Variants in MGLL observed in about 807,000 individuals in gnomAD.
MGLL encodes the protein monoglyceride lipase.
MGLL carries 7 observed loss-of-function variants against 29.1 expected under a neutral mutation model. The ratio of observed to expected loss-of-function variants is 0.24; its 90% CI spans 0.14 to 0.45. The LOEUF is 0.45. MGLL is among the 20% of genes least tolerant of loss of function. The probability of loss-of-function intolerance (pLI) is 0.99; values close to 1 mark genes in which losing one functional copy is unlikely to be tolerated. For synonymous variants in MGLL, 148 were observed against 168.3 expected, an observed-to-expected ratio of 0.88 and a Z score of 0.93; for missense variants, 356 against 413.6, an observed-to-expected ratio of 0.86 and a Z score of 1.21.
intron 3 of MGLL, among the ~76,000 whole-genome samples, chr3:127,742,504 C>T (rs1236349615): frequency 1.4e-5 from 2 of 147,136 alleles, no homozygotes; most frequent in Non-Finnish European, 3.0e-5. Flanking sequence ...GCAGGAGACT[C>T]GCTTGAGCCC....
At chr3:127,801,312 A>ATAC (rs2077475499) in intron 2 of MGLL, among the ~76,000 whole-genome samples, 1 of 142,480 alleles carries the variant, frequency 7.0e-6, no homozygotes, top group Non-Finnish European at 1.5e-5. Flanking sequence ...CAAAAAAAAA[A>ATAC]AAAAAAAAGG....
At chr3:127,764,851 C>A (rs1415601643) in intron 3 of MGLL, among the ~76,000 whole-genome samples, 1 of 152,120 alleles carries the variant, frequency 6.6e-6, no homozygotes, top group East Asian at 1.9e-4. Context: ...GGGTCAGGCC[C>A]CCCACATAGA....
chr3:127,786,795 G>A (rs919905683), intron 2 of MGLL, among the ~76,000 whole-genome samples: 5 of 152,310 alleles, frequency 3.3e-5, no homozygotes, highest in Admixed American at 1.3e-4. Flanking sequence ...AAGGAAATGC[G>A]GATGGGGCAG....
intron 6 of MGLL, among the ~76,000 whole-genome samples, chr3:127,708,683 T>C (rs2075651234): frequency 6.6e-6 from 1 of 152,224 alleles, no homozygotes; most frequent in Non-Finnish European, 1.5e-5. Context: ...CTGACCCATC[T>C]TTCTCAAACC....
chr3:127,777,218 C>T (rs1443827431), intron 3 of MGLL, among the ~76,000 whole-genome samples: 2 of 152,158 alleles, frequency 1.3e-5, no homozygotes, highest in Admixed American at 1.3e-4. Context: ...AGAAAGAACA[C>T]AAGGATGGGT....
At chr3:127,746,207 C>T (rs983727043) in intron 3 of MGLL, among the ~76,000 whole-genome samples, 1 of 152,286 alleles carries the variant, frequency 6.6e-6, no homozygotes, top group South Asian at 2.1e-4. Context: ...CCTGACTCTC[C>T]TTCAGGGAGA....
At chr3:127,803,838 G>C (rs9868912) in intron 2 of MGLL, among the ~76,000 whole-genome samples, 14,796 of 152,152 alleles carry the variant, frequency 0.097, 968 homozygotes, top group South Asian at 0.16. Context: ...GTACTTAAGA[G>C]AGAGACTCAC....
intron 2 of MGLL, among the ~76,000 whole-genome samples, chr3:127,792,991 A>C (rs757226179): frequency 2.0e-5 from 3 of 152,200 alleles, no homozygotes; most frequent in Non-Finnish European, 2.9e-5. Context: ...AATCCCACCC[A>C]GGGGTCATGA....
intron 3 of MGLL, among the ~76,000 whole-genome samples, chr3:127,726,715 C>A (rs1172364420): frequency 6.6e-6 from 1 of 152,182 alleles, no homozygotes; most frequent in African/African-American, 2.4e-5. Flanking sequence ...CAGGTGTGAG[C>A]CACCGCGCCT....
intron 2 of MGLL, among the ~76,000 whole-genome samples, chr3:127,784,505 G>A (rs138779530): frequency 2.5e-4 from 38 of 152,280 alleles, no homozygotes; most frequent in African/African-American, 8.9e-4. Context: ...GGTAGACCAC[G>A]AGTTCTAGCC....
At chr3:127,794,672 A>C (rs776360601) in intron 2 of MGLL, among the ~76,000 whole-genome samples, 1 of 152,066 alleles carries the variant, frequency 6.6e-6, no homozygotes, top group East Asian at 1.9e-4. Flanking sequence ...ATGTCAAACT[A>C]TCTTCCACGA....
intron 3 of MGLL, among the ~76,000 whole-genome samples, chr3:127,741,197 T>A (rs2076334218): frequency 6.6e-6 from 1 of 152,214 alleles, no homozygotes; most frequent in Non-Finnish European, 1.5e-5. Context: ...AGGAAACACA[T>A]CCAGTAGCAC....
At chr3:127,710,075 G>T (rs182788220) in intron 6 of MGLL, among the ~76,000 whole-genome samples, 181 of 152,306 alleles carry the variant, frequency 1.2e-3, no homozygotes, top group Non-Finnish European at 1.9e-3. Context: ...CTGGAAAGAG[G>T]TGCTGTTTTT....
intron 2 of MGLL, among the ~76,000 whole-genome samples, chr3:127,787,738 TATTC>T (rs1450449128): frequency 6.6e-6 from 1 of 152,196 alleles, no homozygotes; most frequent in Admixed American, 6.5e-5. Flanking sequence ...GGTTCTTGCT[TATTC>T]CAGAGCATCC....
At chr3:127,822,063 C>T (rs2077871392) in intron 1 of MGLL, 2 of 653,138 alleles carry the variant, frequency 3.1e-6, no homozygotes, top group Admixed American at 3.1e-5. Flanking sequence ...TTAAGTGCCT[C>T]ATTACAGTTT....
chr3:127,767,087 A>C (rs2076871969), intron 3 of MGLL, among the ~76,000 whole-genome samples: 1 of 152,006 alleles, frequency 6.6e-6, no homozygotes, highest in African/African-American at 2.4e-5. Context: ...AAAAACAAAA[A>C]AACAAAAAAA....
chr3:127,817,329 A>G (rs1442605374), intron 2 of MGLL, among the ~76,000 whole-genome samples: 1 of 152,206 alleles, frequency 6.6e-6, no homozygotes, highest in African/African-American at 2.4e-5. Flanking sequence ...CGAGGGAGGG[A>G]CAATCACACT....
intron 2 of MGLL, among the ~76,000 whole-genome samples, chr3:127,812,672 G>A (rs771117784): frequency 3.9e-5 from 6 of 152,222 alleles, no homozygotes; most frequent in African/African-American, 9.6e-5. Flanking sequence ...TCCCCAGAAC[G>A]ATGGTGCAGG....
chr3:127,821,605 C>A (rs573409874), intron 2 of MGLL, 89 bp downstream of exon 2: 3 of 1,513,916 alleles, frequency 2.0e-6, no homozygotes, highest in African/African-American at 2.7e-5. Context: ...GAAAGCGGCC[C>A]CGCCCCAGAT....
Sources: gnomAD v4.1 joint callset for allele counts (sites outside exome capture counted in the v4.1 genomes callset) on GRCh38, gnomAD v4.1.1 for gene constraint, MANE v1.5 for transcripts, NCBI Gene and HGNC (gene_info 2026-07-23, HGNC 2026-07-21) for gene names.